Variants in AKNA observed in about 807,000 individuals in gnomAD.
The protein encoded by AKNA is microtubule organization protein AKNA.
Under a neutral mutation model 138.8 loss-of-function variants are expected in AKNA, and 67 were observed. That is an observed-to-expected ratio of 0.48 (90% CI 0.40 to 0.59). The LOEUF is 0.59. AKNA is among the 20% of genes least tolerant of loss of function. The pLI, the probability that AKNA is intolerant of heterozygous loss-of-function variation, is 0.00. For missense variants in AKNA, 1,813 were observed against 1,880.4 expected (o/e 0.96, Z 0.66); for synonymous variants, 737 against 754.4 (o/e 0.98, Z 0.38).
In AKNA at chr9:114,381,141, G is replaced by C; in HGVS notation, c.193C>G (p.His65Asp). 1 of 1,613,362 alleles carries C rather than the reference G, an allele frequency of 6.2e-7. No individual in the cohort carries two copies. Among genetic ancestry groups the C allele is most frequent in the Non-Finnish European group, 8.5e-7 (1 of 1,179,866 alleles). The change falls in exon 2 of 22, where the codon CAC (histidine) becomes GAC (aspartate). Residue 65 changes from histidine (H) to aspartate (D), a missense_variant. By Grantham distance (81) the His-to-Asp change is moderately conservative. Coordinates refer to ENST00000374088, the MANE Select transcript of AKNA (RefSeq NM_001317950.2). ...GGGTCCCACTCCAGGGGCGGCAGGTGCTGCTGGGCCAGGCGGAAGTCCTCT... is the reference window on the plus strand; with the variant it reads ...GGGTCCCACTCCAGGGGCGGCAGGTCCTGCTGGGCCAGGCGGAAGTCCTCT... ...LLEDFRLAQQHLPPLEWDPHP... is the reference protein window; with the variant it reads ...LLEDFRLAQQDLPPLEWDPHP...
intron 6 of AKNA, 76 bp from the exon 7 acceptor site, chr9:114,364,695 C>T (rs1832214817): frequency 6.7e-7 from 1 of 1,489,890 alleles, no homozygotes; most frequent in African/African-American, 1.4e-5. Context: ...CACATCTATG[C>T]CTTGGTAAGA....
downstream of AKNA, chr9:114,331,443 A>G (rs555646508): frequency 9.5e-6 from 7 of 736,384 alleles, no homozygotes; most frequent in African/African-American, 1.2e-4. Context: ...CGGTGGCCCA[A>G]AGGAGACCCG....
intron 4 of AKNA, among the ~76,000 whole-genome samples, chr9:114,370,264 C>T (rs534737823): frequency 1.3e-5 from 2 of 152,350 alleles, no homozygotes; most frequent in South Asian, 4.1e-4. Context: ...ATCCCCTCAG[C>T]CATCTGCTCA....
intron 5 of AKNA, 42 bp downstream of exon 5, chr9:114,368,397 G>C (rs770665458): frequency 5.6e-5 from 74 of 1,310,292 alleles, no homozygotes; most frequent in Non-Finnish European, 9.8e-7. Flanking sequence ...CAGAATCCCA[G>C]GCAGAAGGAG....
At chr9:114,374,202 A>AG in intron 3 of AKNA, 35 bp from the exon 4 acceptor site, 1 of 1,545,530 alleles carries the variant, frequency 6.5e-7, no homozygotes, top group East Asian at 2.4e-5. Flanking sequence ...TCACATGCGC[A>AG]GGCACACAAT....
chr9:114,332,596 T>C (rs571563235), downstream of AKNA, among the ~76,000 whole-genome samples: 1 of 152,050 alleles, frequency 6.6e-6, no homozygotes, highest in Non-Finnish European at 1.5e-5. Context: ...ACCAGGGATG[T>C]GAACTACCTC....
chr9:114,352,398 G>A (rs1831187467), intron 14 of AKNA, among the ~76,000 whole-genome samples: 1 of 151,658 alleles, frequency 6.6e-6, no homozygotes, highest in South Asian at 2.1e-4. Context: ...AGGAGTTTGA[G>A]ACTAGCCTGG....
intron 7 of AKNA, 44 bp downstream of exon 7, chr9:114,364,516 G>A: frequency 1.9e-6 from 3 of 1,594,542 alleles, no homozygotes; most frequent in Non-Finnish European, 2.6e-6. Flanking sequence ...GGGAGACAGT[G>A]GTTGTCTGGC....
chr9:114,349,896 C>T (rs1316222193), intron 15 of AKNA, among the ~76,000 whole-genome samples: 1 of 152,226 alleles, frequency 6.6e-6, no homozygotes, highest in African/African-American at 2.4e-5. Flanking sequence ...TCTCTTCCTT[C>T]TGATGTCTGC....
intron 21 of AKNA, among the ~76,000 whole-genome samples, chr9:114,340,814 C>T (rs1830290395): frequency 6.6e-6 from 1 of 152,118 alleles, no homozygotes. Flanking sequence ...ATATTCCCGA[C>T]CAGGACTCCC....
chr9:114,362,495 C>A lies in AKNA; in HGVS notation c.1827G>T (p.Glu609Asp). ...QRLKAAHAAL[E>D]EEYLKACREQ... is the part of the protein sequence containing the mutation. ...CCCGACAAGCCTTCAGGTACTCCTC[C>A]TCTAGGGCCGCGTGGGCAGCCTTCA... The change falls in exon 8 of 22, where the codon GAG becomes GAT. Residue 609 changes from glutamate to aspartate, a missense_variant. Glu to Asp is a conservative substitution (Grantham distance 45). Coordinates refer to ENST00000374088, the MANE Select transcript of AKNA (RefSeq NM_001317950.2). The A allele has an allele frequency of 6.2e-7, 1 of 1,613,470 alleles. No individual in the cohort carries two copies. Among genetic ancestry groups the A allele is most frequent in the Non-Finnish European group, 8.5e-7 (1 of 1,179,818 alleles).
chr9:114,341,976 C>A (rs374562776), intron 20 of AKNA, 33 bp downstream of exon 20: 8 of 1,581,350 alleles, frequency 5.1e-6, no homozygotes, highest in Non-Finnish European at 7.0e-6. Flanking sequence ...AGCTGAGGGT[C>A]TGGCTAAGAG....
At chr9:114,357,549 G>A (rs1831588904) in intron 12 of AKNA, among the ~76,000 whole-genome samples, 1 of 151,946 alleles carries the variant, frequency 6.6e-6, no homozygotes, top group African/African-American at 2.4e-5. Flanking sequence ...GTGCATAAGT[G>A]CACATGCATG....
chr9:114,396,911 C>G (rs888884854), upstream of AKNA: 1 of 152,238 alleles, frequency 6.6e-6, no homozygotes, highest in African/African-American at 2.4e-5. Context: ...TCCACGCCCC[C>G]ACGGGGGGAA....
At chr9:114,345,060 C>CATATATATAT (rs143632430) in intron 18 of AKNA, 1 of 143,526 alleles carries the variant, frequency 7.0e-6, no homozygotes, top group African/African-American at 2.5e-5. Context: ...GAACCATATC[C>CATATATATAT]ATATATATAT....
At chr9:114,379,690 G>A (rs150135884) in intron 2 of AKNA, among the ~76,000 whole-genome samples, 53 of 152,288 alleles carry the variant, frequency 3.5e-4, no homozygotes, top group African/African-American at 1.2e-3. Flanking sequence ...TATTCTCCAC[G>A]ATATGATTCC....
At chr9:114,371,132 GC>G (rs1036648725) in intron 4 of AKNA, among the ~76,000 whole-genome samples, 1 of 152,140 alleles carries the variant, frequency 6.6e-6, no homozygotes, top group Non-Finnish European at 1.5e-5. Flanking sequence ...CTGGCTCCCT[GC>G]CCCACAGCTG....
intron 14 of AKNA, among the ~76,000 whole-genome samples, chr9:114,351,690 A>G (rs1316829821): frequency 6.6e-6 from 1 of 151,262 alleles, no homozygotes; most frequent in African/African-American, 2.4e-5. Context: ...AATTAGCTGG[A>G]TGTGGAAGTA....
At chr9:114,349,895 T>G (rs1216300292) in intron 15 of AKNA, among the ~76,000 whole-genome samples, 1 of 152,214 alleles carries the variant, frequency 6.6e-6, no homozygotes, top group African/African-American at 2.4e-5. Context: ...CTCTCTTCCT[T>G]CTGATGTCTG....
Sources: gnomAD v4.1 joint callset for allele counts (sites outside exome capture counted in the v4.1 genomes callset) on GRCh38, gnomAD v4.1.1 for gene constraint, MANE v1.5 for transcripts, NCBI Gene and HGNC (gene_info 2026-07-23, HGNC 2026-07-21) for gene names.